THSD4: variants seen among roughly 807,000 people sequenced by gnomAD.
THSD4 encodes thrombospondin type 1 domain containing 4, also known as thrombospondin type-1 domain-containing protein 4.
A neutral mutation model predicts 119.0 loss-of-function variants in THSD4; 69 were observed. The observed-to-expected ratio is 0.58, with a 90% CI of 0.48 to 0.71. The LOEUF is 0.71. Ranked by LOEUF, THSD4 falls within the 30% of genes least tolerant of loss-of-function variation. The probability of loss-of-function intolerance (pLI) is 0.00; values close to 1 mark genes in which losing one functional copy is unlikely to be tolerated. For missense variants in THSD4, 1,393 were observed against 1,391.1 expected, an observed-to-expected ratio of 1.00 and a Z score of -0.02; for synonymous variants, 524 against 540.4, an observed-to-expected ratio of 0.97 and a Z score of 0.42.
chr15:71,721,391 T>A (rs4365247), intron 8 of THSD4, among the ~76,000 whole-genome samples: 136,139 of 152,230 alleles, frequency 0.89, 62,606 homozygotes, highest in Non-Finnish European at 1. Context: ...TAGTCCAGCT[T>A]CTGCTACTGG....
intron 7 of THSD4, among the ~76,000 whole-genome samples, chr15:71,499,979 G>T (rs115786775): frequency 1.3e-5 from 2 of 152,032 alleles, no homozygotes; most frequent in African/African-American, 4.8e-5. Context: ...CTTGTTTTCA[G>T]TTCTTTTGGA....
chr15:71,490,439 A>G (rs1449262873), intron 7 of THSD4, among the ~76,000 whole-genome samples: 1 of 151,836 alleles, frequency 6.6e-6, no homozygotes, highest in African/African-American at 2.4e-5. Flanking sequence ...GGGTGCCTGT[A>G]GTCCCACCTA....
chr15:71,480,649 C>A (rs1353026898), intron 7 of THSD4, among the ~76,000 whole-genome samples: 1 of 152,210 alleles, frequency 6.6e-6, no homozygotes, highest in East Asian at 1.9e-4. Flanking sequence ...CTGGGATCTT[C>A]TCATCGCGTT....
At chr15:71,373,354 C>A (rs576351258) in intron 6 of THSD4, among the ~76,000 whole-genome samples, 4 of 152,162 alleles carry the variant, frequency 2.6e-5, no homozygotes, top group Admixed American at 2.6e-4. Context: ...TTTCATGAGT[C>A]TTTGAAAAGA....
At chr15:71,462,215 G>A (rs1165674328) in intron 7 of THSD4, among the ~76,000 whole-genome samples, 1 of 152,184 alleles carries the variant, frequency 6.6e-6, no homozygotes, top group East Asian at 1.9e-4. Context: ...CGGCTGGAGT[G>A]CAGTGATGTG....
At chr15:71,422,254 A>G (rs1026545431) in intron 7 of THSD4, among the ~76,000 whole-genome samples, 1 of 152,076 alleles carries the variant, frequency 6.6e-6, no homozygotes, top group African/African-American at 2.4e-5. Context: ...TTAGGTATTT[A>G]TTGTAGTCTT....
In THSD4 at chr15:71,610,060, G is replaced by T. The variant is rs146544681; in HGVS notation, c.1153-50470G>T. On this transcript the variant is annotated intron_variant, in intron 7 of 17. Coordinates refer to ENST00000261862, the MANE Select transcript of THSD4 (RefSeq NM_024817.3). The stretch of plus-strand genomic sequence containing the variant: ...AAGAGGTGAAAACTGTTTGCAGAGA[G>T]ATTTAAATAAACTGTTTCAAAGTAC... Among the ~76,000 whole-genome samples the T allele has an allele frequency of 1.8e-3, 273 of 152,260 alleles. 3 individuals carry two copies. Among genetic ancestry groups the T allele is most frequent in the African/African-American group, 5.9e-3 (246 of 41,568 alleles).
At chr15:71,721,040 G>C (rs927191684) in intron 8 of THSD4, among the ~76,000 whole-genome samples, 2 of 152,234 alleles carry the variant, frequency 1.3e-5, no homozygotes, top group Non-Finnish European at 2.9e-5. Flanking sequence ...GTAGGAACAA[G>C]TGGTTGGGTC....
At chr15:71,771,016 C>A in intron 16 of THSD4, 48 bp from the exon 17 acceptor site, 1 of 1,600,622 alleles carries the variant, frequency 6.2e-7, no homozygotes, top group Non-Finnish European at 8.5e-7. Flanking sequence ...GTGTGCTGAG[C>A]TATTGGTCTG....
intron 10 of THSD4, among the ~76,000 whole-genome samples, chr15:71,736,241 C>T (rs972804707): frequency 6.6e-5 from 10 of 150,916 alleles, no homozygotes; most frequent in Non-Finnish European, 1.5e-4. Context: ...CTTGCTCTCT[C>T]TCCATCTCTC....
chr15:71,533,996 T>G (rs1470002034), intron 7 of THSD4, among the ~76,000 whole-genome samples: 3 of 152,228 alleles, frequency 2.0e-5, no homozygotes, highest in African/African-American at 4.8e-5. Flanking sequence ...GTGATTTGTA[T>G]ACACTTTCAG....
intron 7 of THSD4, among the ~76,000 whole-genome samples, chr15:71,477,244 A>G (rs13380342): frequency 0.022 from 3,363 of 152,338 alleles, 124 homozygotes; most frequent in African/African-American, 0.078. Context: ...ACTGGTTCCT[A>G]TCAGACGGGG....
At chr15:71,455,556 A>T (rs2047327218) in intron 7 of THSD4, among the ~76,000 whole-genome samples, 1 of 152,114 alleles carries the variant, frequency 6.6e-6, no homozygotes. Context: ...TCCATATGCC[A>T]TTAGACCCAT....
At chr15:71,605,409 C>A (rs2050090404) in intron 7 of THSD4, among the ~76,000 whole-genome samples, 1 of 152,192 alleles carries the variant, frequency 6.6e-6, no homozygotes. Flanking sequence ...GGGGTTTCAC[C>A]CAGAGCTCTG....
chr15:71,638,472 C>T (rs529041720), intron 7 of THSD4, among the ~76,000 whole-genome samples: 1 of 152,224 alleles, frequency 6.6e-6, no homozygotes, highest in Non-Finnish European at 1.5e-5. Context: ...AACACTAAAA[C>T]TATTCTAACT....
chr15:71,760,527 C>A (rs557065623), intron 15 of THSD4, among the ~76,000 whole-genome samples: 33 of 152,110 alleles, frequency 2.2e-4, no homozygotes, highest in Admixed American at 5.2e-4. Context: ...GAGAGTCTAC[C>A]AAGTCTATTA....
intron 7 of THSD4, among the ~76,000 whole-genome samples, chr15:71,553,086 T>C (rs1233377777): frequency 1.3e-5 from 2 of 152,258 alleles, no homozygotes; most frequent in African/African-American, 4.8e-5. Context: ...TTAGCATCTG[T>C]CCTTCTAGAA....
At chr15:71,592,785 T>C (rs920904354) in intron 7 of THSD4, among the ~76,000 whole-genome samples, 1 of 152,010 alleles carries the variant, frequency 6.6e-6, no homozygotes, top group Admixed American at 6.6e-5. Context: ...TTACAAGTCC[T>C]GAGTTTCAGT....
In THSD4 at chr15:71,540,729, CTTT is replaced by C. The variant is rs34631960; in HGVS notation, c.1153-119786_1153-119784del. Reference sequence around the variant, plus strand: ...GGCATGAGCCACTGCACCTGGCCTCCTTTTTTTTTTTTTTTTTAAACGAGTCTC... The same window carrying C: ...GGCATGAGCCACTGCACCTGGCCTCCTTTTTTTTTTTTTTAAACGAGTCTC... On this transcript the variant is annotated intron_variant, in intron 7 of 17. Coordinates refer to ENST00000261862, the MANE Select transcript of THSD4 (RefSeq NM_024817.3). Among the ~76,000 whole-genome samples the C allele has an allele frequency of 8.3e-4, 92 of 110,634 alleles. 1 individual carries two copies. The highest frequency in any genetic ancestry group is 7.9e-4 in the East Asian group (3 of 3,784). The allele number at this position is 110,634 out of a possible 152,430, so 72.6% of individuals were successfully genotyped here. A position where few individuals can be genotyped will look rare whatever the true frequency, so the allele number is the denominator to read the frequency against.
Sources: allele counts gnomAD v4.1 joint callset (sites outside exome capture counted in the v4.1 genomes callset), GRCh38; gene constraint gnomAD v4.1.1; transcripts MANE v1.5; gene names NCBI Gene and HGNC (gene_info 2026-07-23, HGNC 2026-07-21).